The following GNB4 variants were observed in gnomAD, a reference collection of about 807,000 sequenced individuals.
The protein encoded by GNB4 is guanine nucleotide-binding protein subunit beta-4.
Under a neutral mutation model 45.2 loss-of-function variants are expected in GNB4, and 28 were observed. That is an observed-to-expected ratio of 0.62 (90% CI 0.46 to 0.85). The LOEUF is 0.85. Among genes scored for constraint, GNB4 ranks in the 40% least tolerant of loss-of-function variants. The pLI, the probability that GNB4 is intolerant of heterozygous loss-of-function variation, is 0.00. For missense variants in GNB4, 321 were observed against 425.4 expected (o/e 0.75, Z 2.16); for synonymous variants, 132 against 143.7 (o/e 0.92, Z 0.58).
rs387907340 is a variant in GNB4 at position 179,419,444 on chromosome 3, C to T, written c.158G>A (p.Gly53Asp). 6.2e-7 allele frequency: 1 copy of T among 1,613,230 alleles called. No homozygotes were observed. Among genetic ancestry groups the T allele is most frequent in the Non-Finnish European group, 8.5e-7 (1 of 1,179,234 alleles). The change falls in exon 4 of 10, where the codon GGC (glycine) becomes GAC (aspartate). Residue 53 changes from glycine to aspartate, a missense_variant. By Grantham distance (94) the Gly-to-Asp change is moderately conservative. Transcript: ENST00000232564. ...IQMRTRRTLR[G>D]HLAKIYAMHW... ...CATAGCATAGATTTTAGCTAGGTGG[C>T]CCCTCAGTGTACGTCTTGTTCGCAT...
chr3:179,495,870 G>A, the GNB4 span, among the ~76,000 whole-genome samples: 1 of 152,156 alleles, frequency 6.6e-6, no homozygotes, highest in Non-Finnish European at 1.5e-5. Flanking sequence ...CTGTTCTTCA[G>A]AAATGAAGGA....
At chr3:179,486,271 C>T in the GNB4 span, among the ~76,000 whole-genome samples, 1 of 151,330 alleles carries the variant, frequency 6.6e-6, no homozygotes, top group African/African-American at 2.4e-5. Flanking sequence ...TTTGCCTTTC[C>T]TCCAGTAATT....
At chr3:179,526,308 CAG>C in the GNB4 span, among the ~76,000 whole-genome samples, 1 of 152,158 alleles carries the variant, frequency 6.6e-6, no homozygotes, top group Non-Finnish European at 1.5e-5. Context: ...GTGCAGGTCA[CAG>C]GGGATATGAT....
chr3:179,457,114 T>C, the GNB4 span, among the ~76,000 whole-genome samples: 1 of 152,090 alleles, frequency 6.6e-6, no homozygotes, highest in African/African-American at 2.4e-5. Flanking sequence ...AAACAAAAAA[T>C]TAAAGAACCT....
upstream of GNB4, among the ~76,000 whole-genome samples, chr3:179,456,370 T>C (rs561718336): frequency 2.9e-3 from 437 of 152,254 alleles, 6 homozygotes; most frequent in African/African-American, 0.01. Flanking sequence ...TTCAGAAATA[T>C]AATCTGCCAC....
At chr3:179,437,609 G>C (rs981908344) in intron 1 of GNB4, 1 of 151,904 alleles carries the variant, frequency 6.6e-6, no homozygotes, top group Non-Finnish European at 1.5e-5. Context: ...TGTTGTTATA[G>C]TTCAGGTCAC....
the GNB4 span, among the ~76,000 whole-genome samples, chr3:179,520,573 T>C: frequency 6.6e-6 from 1 of 152,172 alleles, no homozygotes; most frequent in African/African-American, 2.4e-5. Flanking sequence ...ACTCACTCTC[T>C]ACAGTTCTCA....
chr3:179,491,337 G>A, the GNB4 span, among the ~76,000 whole-genome samples: 3 of 152,184 alleles, frequency 2.0e-5, no homozygotes, highest in Non-Finnish European at 4.4e-5. Context: ...CAAATTATGT[G>A]CCTACATGTG....
At chr3:179,439,343 G>C (rs1715539932) in intron 1 of GNB4, among the ~76,000 whole-genome samples, 1 of 152,116 alleles carries the variant, frequency 6.6e-6, no homozygotes. Context: ...TACACATAAA[G>C]ACATCTGTGA....
the GNB4 span, among the ~76,000 whole-genome samples, chr3:179,527,089 G>A: frequency 6.6e-6 from 1 of 152,176 alleles, no homozygotes. Context: ...GCCACAGCTG[G>A]AGAGAGTGTT....
intron 5 of GNB4, 95 bp from the exon 6 acceptor site, chr3:179,415,142 A>G: frequency 1.0e-6 from 1 of 953,736 alleles, no homozygotes. Flanking sequence ...TAAAAATTAA[A>G]CACATCTAAG....
chr3:179,522,068 A>G, the GNB4 span, among the ~76,000 whole-genome samples: 2 of 152,104 alleles, frequency 1.3e-5, no homozygotes, highest in Non-Finnish European at 2.9e-5. Context: ...TTATTAATAT[A>G]AGAAGACAGG....
Position 179,420,916 on chromosome 3 carries a change from T to C in GNB4, c.69A>G (p.Lys23=), listed in dbSNP as rs763216374. The C allele has an allele frequency of 6.3e-7, 1 of 1,587,252 alleles. No individual in the cohort carries two copies. Among genetic ancestry groups the C allele is most frequent in the Admixed American group, 1.7e-5 (1 of 58,328 alleles). ...GAACAAGCGTTGCATCATTACATGC[T>C]TTCCGAGCATCCTGAAGTAAAAAAA... ...QLRNQIQDAR[K]ACNDATLVQI... is the part of the protein sequence containing the mutation. Residue 23 remains lysine, a synonymous_variant, in exon 3 of 10, where the codon AAA becomes AAG. Transcript: ENST00000232564.
chr3:179,402,719 T>C (rs1357266919), intron 9 of GNB4, among the ~76,000 whole-genome samples: 5 of 152,158 alleles, frequency 3.3e-5, no homozygotes. Flanking sequence ...AAAATTACAC[T>C]GCAGATTCTC....
chr3:179,470,073 TAAAC>T, the GNB4 span, among the ~76,000 whole-genome samples: 1 of 152,332 alleles, frequency 6.6e-6, no homozygotes, highest in East Asian at 1.9e-4. Context: ...GATGCTGGTG[TAAAC>T]AAACACTGTT....
chr3:179,522,979 GT>G, the GNB4 span, among the ~76,000 whole-genome samples: 9,718 of 152,138 alleles, frequency 0.064, 429 homozygotes, highest in African/African-American at 0.13. Flanking sequence ...TTTTAGGGCT[GT>G]TTTTAAGGAA....
At chr3:179,475,618 G>A in the GNB4 span, among the ~76,000 whole-genome samples, 1 of 151,812 alleles carries the variant, frequency 6.6e-6, no homozygotes, top group Non-Finnish European at 1.5e-5. Context: ...GACTACAGGT[G>A]CATGCCACCA....
chr3:179,518,345 T>G, the GNB4 span, among the ~76,000 whole-genome samples: 2 of 152,186 alleles, frequency 1.3e-5, no homozygotes, highest in Non-Finnish European at 2.9e-5. Flanking sequence ...TCAGGCATTC[T>G]TTTACACATG....
At chr3:179,470,520 AAT>A in the GNB4 span, among the ~76,000 whole-genome samples, 1 of 150,218 alleles carries the variant, frequency 6.7e-6, no homozygotes, top group African/African-American at 2.4e-5. Flanking sequence ...GAAAGAAAAA[AAT>A]ATATATATAT....
Sources: gnomAD v4.1 joint callset for allele counts (sites outside exome capture counted in the v4.1 genomes callset) on GRCh38, gnomAD v4.1.1 for gene constraint, MANE v1.5 for transcripts, NCBI Gene and HGNC (gene_info 2026-07-23, HGNC 2026-07-21) for gene names.